The following WDR64 variants were observed in gnomAD, a reference collection of about 807,000 sequenced individuals.
The protein encoded by WDR64 is WD repeat domain 64.
WDR64 carries 112 observed loss-of-function variants against 139.3 expected under a neutral mutation model. The observed-to-expected ratio is 0.80, with a 90% CI of 0.69 to 0.94. The LOEUF (loss-of-function observed/expected upper bound fraction) is 0.94, where lower values mean the gene tolerates loss of function less well. Among genes scored for constraint, WDR64 ranks in the 40% least tolerant of loss-of-function variants. The probability of loss-of-function intolerance (pLI) is 0.00; values close to 1 mark genes in which losing one functional copy is unlikely to be tolerated. For missense variants in WDR64, 1,206 were observed against 1,293.1 expected, an observed-to-expected ratio of 0.93 and a Z score of 1.03; for synonymous variants, 444 against 437.7, an observed-to-expected ratio of 1.01 and a Z score of -0.18.
chr1:241,657,442 C>G (rs970090259), intron 1 of WDR64, among the ~76,000 whole-genome samples: 1 of 152,206 alleles, frequency 6.6e-6, no homozygotes, highest in Non-Finnish European at 1.5e-5. Context: ...TGCCCTCCTT[C>G]GCCCCTGGTC....
At chr1:241,782,163 C>A (rs556135275) in intron 22 of WDR64, among the ~76,000 whole-genome samples, 2 of 152,160 alleles carry the variant, frequency 1.3e-5, no homozygotes, top group African/African-American at 4.8e-5. Context: ...CGGCACGTGC[C>A]GGTAGTCACA....
chr1:241,699,614 A>G (rs1478521529), intron 8 of WDR64, among the ~76,000 whole-genome samples: 2 of 152,186 alleles, frequency 1.3e-5, no homozygotes, highest in Non-Finnish European at 2.9e-5. Context: ...AGGCTTCCTG[A>G]AGATGTCACA....
chr1:241,784,594 T>C (rs1447988234), intron 23 of WDR64, among the ~76,000 whole-genome samples: 3 of 152,130 alleles, frequency 2.0e-5, no homozygotes, highest in Non-Finnish European at 4.4e-5. Context: ...GAACGTTGAA[T>C]TCAAGATGAA....
At chr1:241,655,618 C>A (rs1030480918) in intron 1 of WDR64, among the ~76,000 whole-genome samples, 1 of 152,100 alleles carries the variant, frequency 6.6e-6, no homozygotes, top group Non-Finnish European at 1.5e-5. Flanking sequence ...TGCCCTAAAA[C>A]AAACTTCTTG....
intron 8 of WDR64, among the ~76,000 whole-genome samples, 188 bp from the exon 9 acceptor site, chr1:241,711,614 A>C (rs549812497): frequency 6.6e-6 from 1 of 152,340 alleles, no homozygotes; most frequent in South Asian, 2.1e-4. Flanking sequence ...CGCGAATATC[A>C]CCACATAATG....
At chr1:241,732,697 G>A (rs1669130439) in intron 10 of WDR64, among the ~76,000 whole-genome samples, 1 of 152,042 alleles carries the variant, frequency 6.6e-6, no homozygotes, top group East Asian at 1.9e-4. Flanking sequence ...GCGGGCTCCT[G>A]TAATCCCAGC....
Position 241,656,016 on chromosome 1 carries a change from A to G in WDR64, c.145+3387A>G, listed in dbSNP as rs1384948426. Among the ~76,000 whole-genome samples, 1 of 152,196 alleles carries G rather than the reference A, an allele frequency of 6.6e-6. No individual in the cohort carries two copies. Among genetic ancestry groups the G allele is most frequent in the Non-Finnish European group, 1.5e-5 (1 of 68,032 alleles). ...TCCTTCAATGTGTTCTAAATGCACAAGTTGACCTTGCTCTCATTAAGAAAC... is the reference window on the plus strand; with the variant it reads ...TCCTTCAATGTGTTCTAAATGCACAGGTTGACCTTGCTCTCATTAAGAAAC... On this transcript the variant is annotated intron_variant, in intron 1 of 27. Coordinates refer to ENST00000437684, the MANE Select transcript of WDR64 (RefSeq NM_001367482.1). The surrounding 1 kb of genome is among the most constrained non-coding windows in gnomAD (Gnocchi z 4.3).
intron 10 of WDR64, among the ~76,000 whole-genome samples, chr1:241,733,368 G>T (rs761592728): frequency 6.6e-6 from 1 of 151,930 alleles, no homozygotes; most frequent in Admixed American, 6.6e-5. Flanking sequence ...CCAGCTACTC[G>T]GGAAGCTCAG....
intron 8 of WDR64, 43 bp from the exon 9 acceptor site, chr1:241,711,759 A>G: frequency 1.3e-6 from 2 of 1,591,832 alleles, no homozygotes; most frequent in East Asian, 4.5e-5. Context: ...TTAACTTGAT[A>G]AAGAAAAATA....
At chr1:241,732,248 T>C (rs1343872682) in intron 10 of WDR64, among the ~76,000 whole-genome samples, 1 of 152,176 alleles carries the variant, frequency 6.6e-6, no homozygotes, top group Non-Finnish European at 1.5e-5. Context: ...ACTGGTACAA[T>C]TTTCATTATG....
chr1:241,679,643 T>C, intron 6 of WDR64, 48 bp downstream of exon 6: 1 of 1,477,566 alleles, frequency 6.8e-7, no homozygotes, highest in Middle Eastern at 1.7e-4. Context: ...GTCTTTTCAG[T>C]AGTGGTACGA....
At chr1:241,718,577 G>A (rs1354871790) in intron 9 of WDR64, among the ~76,000 whole-genome samples, 3 of 152,058 alleles carry the variant, frequency 2.0e-5, no homozygotes, top group East Asian at 3.9e-4. Flanking sequence ...CTGTTAATAA[G>A]GGCAGCATGA....
intron 9 of WDR64, among the ~76,000 whole-genome samples, chr1:241,713,826 G>A (rs1376315109): frequency 6.6e-6 from 1 of 152,140 alleles, no homozygotes; most frequent in East Asian, 1.9e-4. Context: ...CAAAGACATG[G>A]GAAATTAATT....
intron 26 of WDR64, 94 bp from the exon 27 acceptor site, chr1:241,796,163 G>T (rs1485961456): frequency 1.5e-6 from 1 of 659,040 alleles, no homozygotes; most frequent in East Asian, 3.0e-5. Context: ...TTTTGAAGCA[G>T]CTGGGCCTTC....
At position 241,679,557 on chromosome 1, in the gene WDR64, A is replaced by G. The variant is rs201119556; in HGVS notation, c.586A>G (p.Ile196Val). The G allele has an allele frequency of 6.4e-7, 1 of 1,551,738 alleles. No individual in the cohort carries two copies. The highest frequency in any genetic ancestry group is 8.7e-7 in the Non-Finnish European group (1 of 1,146,932). Residue 196 changes from isoleucine to valine, a missense_variant, in exon 6 of 28, where the codon ATT (isoleucine) becomes GTT (valine). By Grantham distance (29) the Ile-to-Val change is conservative. Transcript: ENST00000437684. Reference protein sequence around the residue: ...KRIVATTERTIIVWDYKAQGS... With the variant: ...KRIVATTERTVIVWDYKAQGS... Reference sequence around the variant, plus strand: ...AATCGTAGCCACAACCGAAAGGACCATTATTGTCTGGGATTATAAAGCTCA... The same window carrying G: ...AATCGTAGCCACAACCGAAAGGACCGTTATTGTCTGGGATTATAAAGCTCA...
intron 9 of WDR64, among the ~76,000 whole-genome samples, chr1:241,715,969 T>A (rs1385864368): frequency 6.6e-6 from 1 of 152,152 alleles, no homozygotes; most frequent in Non-Finnish European, 1.5e-5. Flanking sequence ...TTTCTAGCTC[T>A]CTCACCAAGG....
At chr1:241,654,313 C>T (rs1390395137) in intron 1 of WDR64, among the ~76,000 whole-genome samples, 2 of 152,186 alleles carry the variant, frequency 1.3e-5, no homozygotes, top group East Asian at 3.8e-4. Flanking sequence ...TTTCCTTCTC[C>T]ACTGAATTTC....
intron 21 of WDR64, 32 bp downstream of exon 21, chr1:241,775,242 G>T: frequency 6.6e-7 from 1 of 1,518,618 alleles, no homozygotes; most frequent in South Asian, 1.2e-5. Context: ...TTCAGTGACA[G>T]GTGTCTTAAT....
chr1:241,669,134 G>A (rs1296168546), intron 2 of WDR64, among the ~76,000 whole-genome samples: 1 of 152,080 alleles, frequency 6.6e-6, no homozygotes, highest in Admixed American at 6.6e-5. Flanking sequence ...AAAACAAAAC[G>A]AAAACAAAAT....
Sources: allele counts gnomAD v4.1 joint callset (sites outside exome capture counted in the v4.1 genomes callset), GRCh38; gene constraint gnomAD v4.1.1; non-coding constraint Gnocchi (gnomAD v3.1); transcripts MANE v1.5; gene names NCBI Gene and HGNC (gene_info 2026-07-23, HGNC 2026-07-21).